The following SLCO1B3 variants were observed in gnomAD, a reference collection of about 807,000 sequenced individuals.
SLCO1B3 encodes the protein solute carrier organic anion transporter family member 1B3.
In SLCO1B3, 72 loss-of-function variants were observed where a neutral mutation model predicts 71.8. The observed-to-expected ratio is 1.00, with a 90% confidence interval of 0.83 to 1.22. The LOEUF (loss-of-function observed/expected upper bound fraction) is 1.22. Ranked by LOEUF, SLCO1B3 falls within the 50% of genes most tolerant of loss-of-function variation. The pLI is 0.00. For synonymous variants in SLCO1B3, 298 were observed against 278.4 expected, an observed-to-expected ratio of 1.07 and a Z score of -0.70; for missense variants, 911 against 819.7, an observed-to-expected ratio of 1.11 and a Z score of -1.36.
chr12:20,862,906 A>G (rs1180775471), intron 8 of SLCO1B3, 52 bp downstream of exon 8: 5 of 936,838 alleles, frequency 5.3e-6, no homozygotes, highest in Middle Eastern at 2.2e-4. Context: ...AGTGCAGGAC[A>G]CCATTCTTCC....
intron 5 of SLCO1B3, among the ~76,000 whole-genome samples, chr12:20,860,190 C>T (rs879419113): frequency 2.0e-5 from 3 of 152,046 alleles, no homozygotes; most frequent in Admixed American, 6.6e-5. Context: ...CTCCTGACCT[C>T]GTGATCTGCC....
chr12:20,899,760 T>C (rs1181593786), intron 14 of SLCO1B3, among the ~76,000 whole-genome samples: 1 of 152,138 alleles, frequency 6.6e-6, no homozygotes, highest in Non-Finnish European at 1.5e-5. Flanking sequence ...AATGAGACTA[T>C]GACAATAGAA....
At chr12:20,889,684 A>T (rs1263168509) in intron 13 of SLCO1B3, among the ~76,000 whole-genome samples, 2 of 151,898 alleles carry the variant, frequency 1.3e-5, no homozygotes, top group African/African-American at 4.8e-5. Flanking sequence ...TTTTTGCCCA[A>T]ATCTCATTTA....
In SLCO1B3 at chr12:20,875,393, TTGCATG is replaced by T. The variant is rs1258685852; in HGVS notation, c.890_895del (p.His297_Val298del). ...AAAAGAAAGAAAAATTTCACTATCA[TTGCATG>T]TGCTGAAAACAAATGATGATAGAAA... On this transcript the variant is annotated inframe_deletion, in exon 9 of 16. Coordinates refer to ENST00000381545, the MANE Select transcript of SLCO1B3 (RefSeq NM_019844.4). The T allele has an allele frequency of 1.9e-6, 3 of 1,610,904 alleles. No individual in the cohort carries two copies. Among genetic ancestry groups the T allele is most frequent in the Non-Finnish European group, 2.5e-6 (3 of 1,178,948 alleles).
intron 3 of SLCO1B3, among the ~76,000 whole-genome samples, chr12:20,821,175 C>T (rs1864296893): frequency 1.3e-5 from 2 of 151,988 alleles, no homozygotes; most frequent in Admixed American, 6.6e-5. Flanking sequence ...TTGCATTGGG[C>T]AGAGACTAGG....
In SLCO1B3 at chr12:20,912,753, A is replaced by G. The variant is rs1866410900; in HGVS notation, c.1866-3251A>G. ...TGGCCAGGATGGTCTCAATCTCTTG[A>G]CCTCATGATCCACCCATCTCGGCCT... On this transcript the variant is annotated intron_variant, in intron 15 of 15. Transcript: ENST00000381545. Among the ~76,000 whole-genome samples the G allele has an allele frequency of 2.0e-5, 3 of 146,762 alleles. No homozygotes were observed. In the Admixed American group the frequency reaches 2.0e-4, roughly 10 times the overall value.
intron 11 of SLCO1B3, 123 bp from the exon 12 acceptor site, chr12:20,880,732 C>G: frequency 1.7e-6 from 1 of 579,486 alleles, no homozygotes; most frequent in Non-Finnish European, 2.8e-6. Context: ...TATTTCTCTT[C>G]TCTTTTCCTC....
chr12:20,826,512 C>CT (rs1254215000), intron 3 of SLCO1B3, among the ~76,000 whole-genome samples: 1 of 151,850 alleles, frequency 6.6e-6, no homozygotes, highest in Non-Finnish European at 1.5e-5. Flanking sequence ...TCTGGAATGA[C>CT]TATTATAAAT....
At chr12:20,875,046 C>G (rs1591774444) in intron 8 of SLCO1B3, among the ~76,000 whole-genome samples, 189 bp from the exon 9 acceptor site, 1 of 152,064 alleles carries the variant, frequency 6.6e-6, no homozygotes, top group African/African-American at 2.4e-5. Flanking sequence ...ATAGCAATTG[C>G]AAGATGTCAT....
At chr12:20,826,115 A>C (rs933031342) in intron 3 of SLCO1B3, among the ~76,000 whole-genome samples, 2 of 152,206 alleles carry the variant, frequency 1.3e-5, no homozygotes, top group African/African-American at 2.4e-5. Flanking sequence ...TTAGATATAG[A>C]AAGAGTGTGT....
At position 20,811,904 on chromosome 12, in the gene SLCO1B3, C is replaced by CTTTT. The variant is rs1864115436; in HGVS notation, c.-181+1140_-181+1141insTTTT. 1.2e-4 allele frequency among the ~76,000 whole-genome samples: 11 copies of CTTTT among 94,718 alleles called. No individual in the cohort carries two copies. The South Asian group carries it at 4.2e-3, about 36-fold the overall frequency. 62.1% of individuals were successfully genotyped at this position (94,718 alleles called of 152,430 possible). ...GTAGGTACTTTGTACTTACTTGATA[C>CTTTT]ATTTTTTTTTTTTTTTTTTTGAGAA... On this transcript the variant is annotated intron_variant, in intron 1 of 15. Coordinates refer to ENST00000381545, the MANE Select transcript of SLCO1B3 (RefSeq NM_019844.4).
chr12:20,885,667 C>T (rs908981340), intron 13 of SLCO1B3, among the ~76,000 whole-genome samples: 6 of 151,678 alleles, frequency 4.0e-5, no homozygotes, highest in Admixed American at 2.6e-4. Flanking sequence ...AAGGAACAAG[C>T]TAGGCAAGGT....
intron 8 of SLCO1B3, among the ~76,000 whole-genome samples, chr12:20,864,397 T>A (rs920454872): frequency 1.3e-5 from 2 of 152,170 alleles, no homozygotes; most frequent in Non-Finnish European, 2.9e-5. Flanking sequence ...TGATTTTCTA[T>A]CTCTTGAGGA....
At chr12:20,831,628 A>T (rs1336628948) in intron 3 of SLCO1B3, among the ~76,000 whole-genome samples, 2 of 152,228 alleles carry the variant, frequency 1.3e-5, no homozygotes, top group Non-Finnish European at 2.9e-5. Context: ...TAAAATTTTT[A>T]AATTATCAGT....
chr12:20,840,650 C>A (rs1697156585), intron 3 of SLCO1B3, among the ~76,000 whole-genome samples: 1 of 152,022 alleles, frequency 6.6e-6, no homozygotes, highest in African/African-American at 2.4e-5. Context: ...TTCATCTTCC[C>A]AAAGTGTCAA....
chr12:20,850,256 TTTTA>T (rs67315737), intron 3 of SLCO1B3, among the ~76,000 whole-genome samples: 9,212 of 142,990 alleles, frequency 0.064, 887 homozygotes, highest in African/African-American at 0.21. Flanking sequence ...ATTATTATTA[TTTTA>T]TTTATTTATT....
chr12:20,851,622 A>T (rs566453121), intron 3 of SLCO1B3, among the ~76,000 whole-genome samples: 1 of 152,064 alleles, frequency 6.6e-6, no homozygotes, highest in South Asian at 2.1e-4. Flanking sequence ...TATAGGTTAA[A>T]TTTTCATCTT....
rs764468156 is a variant in SLCO1B3, at chr12:20,877,851, C to A, written c.1050C>A (p.Ser350Arg). The change falls in exon 10 of 16, where the codon AGC (serine) becomes AGA (arginine). Residue 350 changes from serine (S) to arginine (R), a missense_variant. Ser to Arg is a moderately radical substitution (Grantham distance 110, BLOSUM62 -1). Coordinates refer to ENST00000381545, the MANE Select transcript of SLCO1B3 (RefSeq NM_019844.4). ...TGCTTTTGACATTGTTACAAGTAAG[C>A]AGCTTTATTGGTTCTTTTACTTACG... ...IFLLLTLLQV[S>R]SFIGSFTYVF... 6.3e-7 allele frequency: 1 copy of A among 1,584,568 alleles called. No individual in the cohort carries two copies. Among genetic ancestry groups the A allele is most frequent in the Non-Finnish European group, 8.6e-7 (1 of 1,165,398 alleles).
At chr12:20,852,866 A>G (rs7135924) in intron 3 of SLCO1B3, among the ~76,000 whole-genome samples, 109,945 of 151,952 alleles carry the variant, frequency 0.72, 42,336 homozygotes, top group South Asian at 0.88. Context: ...TCATCTGTGA[A>G]CAGAGATAAT....
Sources: gnomAD v4.1 joint callset for allele counts (sites outside exome capture counted in the v4.1 genomes callset) on GRCh38, gnomAD v4.1.1 for gene constraint, MANE v1.5 for transcripts, NCBI Gene and HGNC (gene_info 2026-07-23, HGNC 2026-07-21) for gene names.